PRICKLE2: variants seen among roughly 807,000 people sequenced by gnomAD.
The protein encoded by PRICKLE2 is prickle-like protein 2.
A neutral mutation model predicts 81.4 loss-of-function variants in PRICKLE2; 21 were observed. The ratio of observed to expected loss-of-function variants is 0.26; its 90% CI spans 0.18 to 0.37. PRICKLE2 has a LOEUF of 0.37. Ranked by LOEUF, PRICKLE2 falls within the 10% of genes least tolerant of loss-of-function variation. The pLI is 1.00. For synonymous variants in PRICKLE2, 456 were observed against 421.5 expected (o/e 1.08, Z -1.00); for missense variants, 940 against 1,109.0 (o/e 0.85, Z 2.16).
intron 2 of PRICKLE2, among the ~76,000 whole-genome samples, chr3:64,236,164 C>T (rs532838974): frequency 1.9e-4 from 29 of 152,252 alleles, no homozygotes; most frequent in African/African-American, 6.3e-4. Context: ...ATGCTCCTCA[C>T]ACTGCCATAC....
At chr3:64,208,288 CCTTGAACAGGT>C (rs376107065) in intron 1 of PRICKLE2, among the ~76,000 whole-genome samples, 257 of 152,226 alleles carry the variant, frequency 1.7e-3, no homozygotes, top group African/African-American at 5.9e-3. Flanking sequence ...GATAATCCTG[CCTTGAACAGGT>C]CAGAGTTGTT....
chr3:64,210,488 C>T (rs775487579), intron 1 of PRICKLE2, among the ~76,000 whole-genome samples: 1 of 152,092 alleles, frequency 6.6e-6, no homozygotes, highest in Non-Finnish European at 1.5e-5. Context: ...GTGCTGAGTG[C>T]CAAGACCACA....
intron 1 of PRICKLE2, among the ~76,000 whole-genome samples, chr3:64,224,589 C>G (rs771508125): frequency 2.0e-5 from 3 of 152,184 alleles, no homozygotes; most frequent in Non-Finnish European, 4.4e-5. Flanking sequence ...GGTATTTGGT[C>G]TGTTAGCCCC....
intron 1 of PRICKLE2, among the ~76,000 whole-genome samples, chr3:64,203,965 G>A (rs114478855): frequency 0.01 from 1,543 of 152,026 alleles, 28 homozygotes; most frequent in African/African-American, 0.035. Flanking sequence ...GTGACAGAGC[G>A]AGATGCTGTC....
intron 2 of PRICKLE2, among the ~76,000 whole-genome samples, chr3:64,232,882 CT>C (rs2079126242): frequency 1.3e-5 from 2 of 152,210 alleles, no homozygotes; most frequent in Non-Finnish European, 2.9e-5. Flanking sequence ...TCCTTCACCC[CT>C]GACATCTAAT....
chr3:64,195,303 T>G (rs1182089951), intron 2 of PRICKLE2, among the ~76,000 whole-genome samples: 3 of 152,228 alleles, frequency 2.0e-5, no homozygotes, highest in African/African-American at 7.2e-5. Context: ...TGCATTTTTA[T>G]GAAATTAAAT....
rs1427053963 is a variant in PRICKLE2 at position 64,147,060 on chromosome 3, A to G, written c.1430T>C (p.Leu477Pro). 6.2e-7 allele frequency: 1 copy of G among 1,614,056 alleles called. No individual in the cohort carries two copies. Among genetic ancestry groups the G allele is most frequent in the Non-Finnish European group, 8.5e-7 (1 of 1,180,032 alleles). The change falls in exon 7 of 8, where the codon CTG (leucine) becomes CCG (proline). Residue 477 changes from leucine (L) to proline (P), a missense_variant. Physicochemically the swap from Leu to Pro is moderately conservative, Grantham distance 98. This residue lies in a region of PRICKLE2 where 670 missense variants were observed against 717.2 expected (regional missense o/e 0.93). Coordinates refer to ENST00000638394, the MANE Select transcript of PRICKLE2 (RefSeq NM_198859.4). The surrounding 1 kb of genome is among the most constrained non-coding windows in gnomAD (Gnocchi z 5.0). ...ECREDYYPGR[L>P]RSQESYSDMS... is the part of the protein sequence containing the mutation. ...ATCACTGTAGCTCTCCTGAGATCTC[A>G]GCCTCCCCGGGTAATAGTCTTCTCG... is the stretch of plus-strand genomic sequence containing the variant.
intron 2 of PRICKLE2, among the ~76,000 whole-genome samples, chr3:64,194,667 T>C (rs1266371956): frequency 6.6e-6 from 1 of 152,230 alleles, no homozygotes; most frequent in Non-Finnish European, 1.5e-5. Flanking sequence ...GTTCCTATTT[T>C]AATATTATCT....
At chr3:64,140,868 G>A (rs1401022274) in intron 7 of PRICKLE2, among the ~76,000 whole-genome samples, 3 of 152,300 alleles carry the variant, frequency 2.0e-5, no homozygotes, top group South Asian at 2.1e-4. Flanking sequence ...TGTCACAGGA[G>A]AGAAAATGCC....
intron 7 of PRICKLE2, among the ~76,000 whole-genome samples, chr3:64,124,793 T>A (rs2077082639): frequency 6.6e-6 from 1 of 152,344 alleles, no homozygotes; most frequent in Middle Eastern, 3.4e-3. Context: ...GACAATGCAC[T>A]TGGTCACCCA....
At chr3:64,255,945 C>T (rs759622068) in intron 2 of PRICKLE2, among the ~76,000 whole-genome samples, 1 of 152,098 alleles carries the variant, frequency 6.6e-6, no homozygotes, top group Non-Finnish European at 1.5e-5. Flanking sequence ...TATGGAGCGA[C>T]TCTGAGGAAG....
chr3:64,135,645 G>A (rs2077266068), intron 7 of PRICKLE2, among the ~76,000 whole-genome samples: 1 of 151,934 alleles, frequency 6.6e-6, no homozygotes, highest in South Asian at 2.1e-4. Context: ...TTTGGGGTGG[G>A]CAGGCTGAAG....
At chr3:64,143,064 T>C (rs1450048639) in intron 7 of PRICKLE2, among the ~76,000 whole-genome samples, 1 of 152,210 alleles carries the variant, frequency 6.6e-6, no homozygotes, top group South Asian at 2.1e-4. Context: ...AGACTAATGA[T>C]GGCTTAATAT....
intron 4 of PRICKLE2, among the ~76,000 whole-genome samples, chr3:64,158,109 G>A (rs1024556019): frequency 6.6e-5 from 10 of 152,236 alleles, no homozygotes; most frequent in African/African-American, 1.7e-4. Flanking sequence ...GGGACTCTGA[G>A]GGAAGAATAA....
intron 1 of PRICKLE2, among the ~76,000 whole-genome samples, chr3:64,214,048 C>T (rs1333933740): frequency 1.3e-5 from 2 of 152,190 alleles, no homozygotes; most frequent in Non-Finnish European, 2.9e-5. Context: ...TTATATTAGG[C>T]CGCCTTTCAT....
At chr3:64,101,780 C>T (rs1268586658) in intron 7 of PRICKLE2, 1 of 152,236 alleles carries the variant, frequency 6.6e-6, no homozygotes, top group East Asian at 1.9e-4. Flanking sequence ...GTGCTTCACA[C>T]AAGAATCAAA....
intron 2 of PRICKLE2, chr3:64,163,385 A>G (rs1210019935): frequency 1.1e-5 from 6 of 530,740 alleles, no homozygotes; most frequent in Non-Finnish European, 2.0e-5. Context: ...AAATTTTCCT[A>G]GAAACAGAGA....
rs534135940 is a variant in PRICKLE2, at chr3:64,187,011, C to T, written c.144+11773G>A. Among the ~76,000 whole-genome samples, 19 of 152,280 alleles carry T rather than the reference C, an allele frequency of 1.2e-4. No homozygotes were observed. In the South Asian group the frequency reaches 3.9e-3, roughly 32 times the overall value. ...GAATTTACTGTAAAGGTTGGAGATA[C>T]CTGTCTTGAAAGCTAGAACTCCAAT... On this transcript the variant is annotated intron_variant, in intron 2 of 7. Transcript: ENST00000638394.
intron 7 of PRICKLE2, among the ~76,000 whole-genome samples, chr3:64,117,625 C>T (rs2076956824): frequency 6.6e-6 from 1 of 152,076 alleles, no homozygotes; most frequent in East Asian, 1.9e-4. Flanking sequence ...AATACATTAC[C>T]TAGGAATACA....
Sources: gnomAD v4.1 joint callset for allele counts (sites outside exome capture counted in the v4.1 genomes callset) on GRCh38, gnomAD v4.1.1 for gene constraint, gnomAD v4.1.1 regional missense constraint, Gnocchi (gnomAD v3.1) non-coding constraint, MANE v1.5 for transcripts, NCBI Gene and HGNC (gene_info 2026-07-23, HGNC 2026-07-21) for gene names.